The following ULK4 variants were observed in gnomAD, a reference collection of about 807,000 sequenced individuals.
ULK4 encodes inactive serine/threonine-protein kinase ULK4.
Under a neutral mutation model 160.6 loss-of-function variants are expected in ULK4, and 133 were observed. The ratio of observed to expected loss-of-function variants is 0.83; its 90% CI spans 0.72 to 0.96. The LOEUF is 0.96. ULK4 is among the 40% of genes least tolerant of loss of function. The pLI, the probability that ULK4 is intolerant of heterozygous loss-of-function variation, is 0.00. For missense variants in ULK4, 1,580 were observed against 1,499.5 expected (o/e 1.05, Z -0.89); for synonymous variants, 534 against 539.8 (o/e 0.99, Z 0.15).
intron 33 of ULK4, 134 bp downstream of exon 33, chr3:41,462,953 A>C (rs2083723663): frequency 9.2e-7 from 1 of 1,087,844 alleles, no homozygotes; most frequent in South Asian, 2.1e-5. Context: ...ACTCTTCAGA[A>C]GACACTCTCT....
intron 32 of ULK4, among the ~76,000 whole-genome samples, chr3:41,530,354 A>G (rs2086262248): frequency 6.6e-6 from 1 of 152,208 alleles, no homozygotes. Flanking sequence ...AATGTCCGGG[A>G]CCATCAAGGA....
intron 32 of ULK4, among the ~76,000 whole-genome samples, chr3:41,557,987 A>G (rs2087365414): frequency 1.3e-5 from 2 of 152,106 alleles, no homozygotes; most frequent in Admixed American, 1.3e-4. Flanking sequence ...TCTTAGATCC[A>G]AAGACAAGCA....
chr3:41,733,725 A>AT (rs778572755), intron 22 of ULK4, among the ~76,000 whole-genome samples: 3,938 of 93,436 alleles, frequency 0.042, 529 homozygotes, highest in African/African-American at 0.054. Flanking sequence ...TAAACACATG[A>AT]TTTTTTTTTT....
chr3:41,706,544 T>C (rs1044721172), intron 25 of ULK4, among the ~76,000 whole-genome samples: 11 of 151,190 alleles, frequency 7.3e-5, no homozygotes, highest in African/African-American at 2.4e-4. Context: ...TGGTCTAACA[T>C]AGGCCAAGCG....
intron 19 of ULK4, among the ~76,000 whole-genome samples, chr3:41,811,655 T>G (rs1390216923): frequency 6.6e-6 from 1 of 152,210 alleles, no homozygotes; most frequent in East Asian, 1.9e-4. Context: ...CATGGGGTAT[T>G]AATAAATGTT....
At chr3:41,369,486 C>A (rs909516403) in intron 35 of ULK4, among the ~76,000 whole-genome samples, 2 of 114,156 alleles carry the variant, frequency 1.8e-5, no homozygotes, top group Non-Finnish European at 3.4e-5. Context: ...TGGAGTGAGA[C>A]CCTGTCTTTA....
At chr3:41,806,696 G>A (rs960050338) in intron 19 of ULK4, among the ~76,000 whole-genome samples, 5 of 151,960 alleles carry the variant, frequency 3.3e-5, no homozygotes, top group Non-Finnish European at 7.4e-5. Flanking sequence ...CTTTGTTCTC[G>A]TTGGTTTCAA....
intron 22 of ULK4, among the ~76,000 whole-genome samples, chr3:41,732,614 T>A (rs1431524254): frequency 6.6e-6 from 1 of 152,164 alleles, no homozygotes; most frequent in African/African-American, 2.4e-5. Flanking sequence ...ATCCCACTAT[T>A]GGGTATTTAT....
intron 35 of ULK4, among the ~76,000 whole-genome samples, chr3:41,252,636 A>G (rs2078765004): frequency 6.6e-6 from 1 of 151,706 alleles, no homozygotes; most frequent in Admixed American, 6.6e-5. Flanking sequence ...AAGATTGAGA[A>G]CACAAATGAG....
chr3:41,706,846 A>ATAT (rs1473434090), intron 25 of ULK4, among the ~76,000 whole-genome samples: 2 of 129,536 alleles, frequency 1.5e-5, no homozygotes, highest in African/African-American at 5.9e-5. Flanking sequence ...AAAAAAAAAA[A>ATAT]ATATGTGTGT....
intron 20 of ULK4, among the ~76,000 whole-genome samples, chr3:41,794,041 T>C (rs2040223868): frequency 6.6e-6 from 1 of 152,160 alleles, no homozygotes. Flanking sequence ...TCTCGTGCAG[T>C]AAGTCTGGGT....
Position 41,494,924 on chromosome 3 carries a change from T to TAA in ULK4, c.3227-31673_3227-31672dup, listed in dbSNP as rs1471494197. On this transcript the variant is annotated intron_variant, in intron 32 of 36. Coordinates refer to ENST00000301831, the MANE Select transcript of ULK4 (RefSeq NM_017886.4). ...AACTACAAACCAATGCTCAATGAAA[T>TAA]AAAAGAGGATACAAACAAATGGAAG... 1.6e-3 allele frequency among the ~76,000 whole-genome samples: 248 copies of TAA among 151,956 alleles called. 1 individual carries two copies. Among genetic ancestry groups the TAA allele is most frequent in the Admixed American group, 3.7e-3 (57 of 15,258 alleles).
intron 32 of ULK4, among the ~76,000 whole-genome samples, chr3:41,494,652 A>T (rs887448411): frequency 1.3e-5 from 2 of 152,220 alleles, no homozygotes; most frequent in African/African-American, 4.8e-5. Context: ...CCCTGTTTGC[A>T]GACGACATGA....
intron 32 of ULK4, among the ~76,000 whole-genome samples, chr3:41,513,640 A>T (rs1291659903): frequency 6.6e-6 from 1 of 152,236 alleles, no homozygotes; most frequent in Non-Finnish European, 1.5e-5. Flanking sequence ...AACAACAACA[A>T]GGAACAAAAT....
intron 30 of ULK4, among the ~76,000 whole-genome samples, chr3:41,636,659 GGTTA>G (rs1399947262): frequency 6.6e-6 from 1 of 151,894 alleles, no homozygotes; most frequent in Non-Finnish European, 1.5e-5. Flanking sequence ...ACAATGTGCA[GGTTA>G]GTTACATATG....
chr3:41,259,102 A>G (rs1319067218), intron 35 of ULK4, among the ~76,000 whole-genome samples: 1 of 132,248 alleles, frequency 7.6e-6, no homozygotes, highest in African/African-American at 3.8e-5. Context: ...ACATATATGT[A>G]TATGTATATA....
At chr3:41,463,335 G>A (rs2083742264) in intron 32 of ULK4, 82 bp from the exon 33 acceptor site, 9 of 1,382,100 alleles carry the variant, frequency 6.5e-6, no homozygotes, top group Non-Finnish European at 8.9e-6. Flanking sequence ...GAGGCATTCT[G>A]GCTCTATGTT....
intron 2 of ULK4, among the ~76,000 whole-genome samples, chr3:41,943,198 G>GC (rs1700012698): frequency 6.8e-6 from 1 of 146,976 alleles, no homozygotes. Flanking sequence ...GGGCGACAGA[G>GC]CGAGACTCCA....
chr3:41,285,120 G>C (rs1317995296), intron 35 of ULK4, among the ~76,000 whole-genome samples: 1 of 152,072 alleles, frequency 6.6e-6, no homozygotes, highest in Non-Finnish European at 1.5e-5. Context: ...CAGTGATCAG[G>C]CACTTCTGCC....
Sources: gnomAD v4.1 joint callset for allele counts (sites outside exome capture counted in the v4.1 genomes callset) on GRCh38, gnomAD v4.1.1 for gene constraint, MANE v1.5 for transcripts, NCBI Gene and HGNC (gene_info 2026-07-23, HGNC 2026-07-21) for gene names.